Variants in PEAK1 observed in about 807,000 individuals in gnomAD.
PEAK1 encodes the protein inactive tyrosine-protein kinase PEAK1.
In PEAK1, 54 loss-of-function variants were observed where a neutral mutation model predicts 124.7. That is an observed-to-expected ratio of 0.43 (90% CI 0.35 to 0.54). PEAK1 has a LOEUF of 0.54. PEAK1 is among the 20% of genes least tolerant of loss of function. The probability of loss-of-function intolerance (pLI) is 0.01; values close to 1 mark genes in which losing one functional copy is unlikely to be tolerated. For missense variants in PEAK1, 2,046 were observed against 2,134.5 expected (o/e 0.96, Z 0.82); for synonymous variants, 719 against 760.0 (o/e 0.95, Z 0.89).
chr15:77,277,868 T>C lies in PEAK1; in HGVS notation c.-275+6015A>G, dbSNP rs561030722. Among the ~76,000 whole-genome samples the C allele has an allele frequency of 2.6e-5, 4 of 152,124 alleles. No homozygotes were observed. The South Asian group carries it at 8.3e-4, about 32-fold the overall frequency. On this transcript the variant is annotated intron_variant, in intron 5 of 9. Transcript: ENST00000682557. ...GGGCTGGAGAAGGAAAAGGGATGAATAGGCAGAATGCACAGGATTTTTAGG... is the reference window on the plus strand; with the variant it reads ...GGGCTGGAGAAGGAAAAGGGATGAACAGGCAGAATGCACAGGATTTTTAGG...
chr15:77,246,153 C>T (rs529634949), intron 6 of PEAK1, among the ~76,000 whole-genome samples: 14 of 151,992 alleles, frequency 9.2e-5, no homozygotes, highest in African/African-American at 3.1e-4. Context: ...GGACTACAGG[C>T]GCGTGCCACC....
chr15:77,370,903 G>A (rs149366825), intron 1 of PEAK1: 18 of 402,264 alleles, frequency 4.5e-5, no homozygotes, highest in African/African-American at 1.5e-4. Flanking sequence ...GGTGGCCCAC[G>A]CCTGTAGTCC....
chr15:77,131,046 T>G (rs1053384592), intron 9 of PEAK1, among the ~76,000 whole-genome samples: 2 of 152,256 alleles, frequency 1.3e-5, no homozygotes, highest in Non-Finnish European at 2.9e-5. Context: ...TATGGCTTTC[T>G]GCTACAGTGA....
At chr15:77,138,959 AACGAAG>A (rs1488728067) in intron 8 of PEAK1, among the ~76,000 whole-genome samples, 1 of 152,198 alleles carries the variant, frequency 6.6e-6, no homozygotes, top group Non-Finnish European at 1.5e-5. Flanking sequence ...TTTTGTTAAA[AACGAAG>A]ACACAAACAC....
chr15:77,181,318 T>C lies in PEAK1; in HGVS notation c.609A>G (p.Glu203=). ...TCAGAATAACATGCTTGCCCTGAGT[T>C]TCCTTTATCCCACCTATCATGCAAC... ...PPSCMIGGIK[E]TQGKHVILSG... is the part of the protein sequence containing the mutation. Residue 203 remains glutamate (E), a synonymous_variant, in exon 7 of 10, where the codon GAA becomes GAG. Transcript: ENST00000682557. The C allele has an allele frequency of 6.2e-7, 1 of 1,614,158 alleles. No individual in the cohort carries two copies. The highest frequency in any genetic ancestry group is 8.5e-7 in the Non-Finnish European group (1 of 1,180,018).
intron 7 of PEAK1, among the ~76,000 whole-genome samples, chr15:77,165,394 G>A (rs572610797): frequency 7.2e-5 from 11 of 151,852 alleles, no homozygotes; most frequent in Admixed American, 3.3e-4. Flanking sequence ...ATGGGGTTTC[G>A]CCATGTTGGC....
At chr15:77,334,322 G>C in intron 2 of PEAK1, 1 of 985,272 alleles carries the variant, frequency 1.0e-6, no homozygotes, top group Non-Finnish European at 1.2e-6. Context: ...TGAAATGACT[G>C]CCCAACCATG....
At chr15:77,308,707 C>T (rs17384406) in intron 2 of PEAK1, among the ~76,000 whole-genome samples, 7 of 151,898 alleles carry the variant, frequency 4.6e-5, no homozygotes, top group Non-Finnish European at 7.4e-5. Context: ...TTAAGCATCT[C>T]TGTTTCACTT....
At chr15:77,283,806 G>T in intron 5 of PEAK1, 77 bp downstream of exon 5, 1 of 654,630 alleles carries the variant, frequency 1.5e-6, no homozygotes. Flanking sequence ...AGTCAATTAT[G>T]CTTATTCTTA....
chr15:77,142,130 T>C (rs557904494), intron 8 of PEAK1, among the ~76,000 whole-genome samples: 83 of 152,278 alleles, frequency 5.5e-4, no homozygotes, highest in South Asian at 3.3e-3. Context: ...AGGAACTCTT[T>C]TGAAAAAGAT....
exon 7 of PEAK1, chr15:77,101,241 G>T (rs2050691360): frequency 6.6e-6 from 1 of 152,196 alleles, no homozygotes; most frequent in Admixed American, 6.5e-5. Flanking sequence ...GTCACCATCG[G>T]CAGGTAGGAG....
intron 6 of PEAK1, among the ~76,000 whole-genome samples, chr15:77,197,681 T>C (rs548931614): frequency 2.0e-5 from 3 of 152,174 alleles, no homozygotes; most frequent in Non-Finnish European, 4.4e-5. Flanking sequence ...GTGTAATTCC[T>C]AGCCCAAACA....
intron 5 of PEAK1, among the ~76,000 whole-genome samples, chr15:77,261,023 G>C (rs1017170602): frequency 1.3e-5 from 2 of 152,190 alleles, no homozygotes; most frequent in Non-Finnish European, 2.9e-5. Context: ...ATCTGGAGAG[G>C]ACCCCCAGCA....
chr15:77,250,156 C>CATATAT, intron 6 of PEAK1, among the ~76,000 whole-genome samples: 1 of 132,926 alleles, frequency 7.5e-6, no homozygotes, highest in South Asian at 2.3e-4. Flanking sequence ...TATATATATA[C>CATATAT]ATATATATAC....
At chr15:77,369,252 T>A (rs778704520) in intron 1 of PEAK1, among the ~76,000 whole-genome samples, 1 of 152,062 alleles carries the variant, frequency 6.6e-6, no homozygotes, top group Non-Finnish European at 1.5e-5. Context: ...ACCAGGAAGT[T>A]TTCATAGCAC....
intron 1 of PEAK1, among the ~76,000 whole-genome samples, chr15:77,409,540 C>T (rs1227207249): frequency 2.6e-5 from 4 of 152,080 alleles, no homozygotes; most frequent in Non-Finnish European, 4.4e-5. Flanking sequence ...CAGTGTTTGA[C>T]GCATAGTTAA....
intron 8 of PEAK1, among the ~76,000 whole-genome samples, chr15:77,152,811 A>T (rs1015457181): frequency 5.3e-5 from 8 of 152,126 alleles, no homozygotes; most frequent in African/African-American, 1.9e-4. Flanking sequence ...GCGAATGTTG[A>T]ACCAGCCTTG....
chr15:77,206,938 C>A (rs975583114), intron 6 of PEAK1, among the ~76,000 whole-genome samples: 6 of 152,076 alleles, frequency 3.9e-5, no homozygotes, highest in Non-Finnish European at 7.4e-5. Flanking sequence ...TGGAACAGAA[C>A]AGAGCCCTCA....
At chr15:77,251,073 C>G (rs936502971) in intron 6 of PEAK1, among the ~76,000 whole-genome samples, 1 of 152,166 alleles carries the variant, frequency 6.6e-6, no homozygotes, top group South Asian at 2.1e-4. Context: ...GTCCATCATA[C>G]CCATTCACTA....
Sources: gnomAD v4.1 joint callset for allele counts (sites outside exome capture counted in the v4.1 genomes callset) on GRCh38, gnomAD v4.1.1 for gene constraint, MANE v1.5 for transcripts, NCBI Gene and HGNC (gene_info 2026-07-23, HGNC 2026-07-21) for gene names.